The following BOP1 variants were observed in gnomAD, a reference collection of about 807,000 sequenced individuals.
The protein encoded by BOP1 is BOP1 ribosomal biogenesis factor, also known as ribosome biogenesis protein BOP1.
Under a neutral mutation model 82.9 loss-of-function variants are expected in BOP1, and 54 were observed. That is an observed-to-expected ratio of 0.65 (90% CI 0.52 to 0.82). BOP1 has a LOEUF of 0.82. Ranked by LOEUF, BOP1 falls within the 40% of genes least tolerant of loss-of-function variation. The pLI is 0.00. For synonymous variants in BOP1, 566 were observed against 451.1 expected, an observed-to-expected ratio of 1.25 and a Z score of -3.23; for missense variants, 1,170 against 1,072.0, an observed-to-expected ratio of 1.09 and a Z score of -1.28.
chr8:144,287,110 A>G (rs928897699), intron 2 of BOP1, among the ~76,000 whole-genome samples: 4 of 151,870 alleles, frequency 2.6e-5, no homozygotes, highest in Non-Finnish European at 4.4e-5. Flanking sequence ...CCCAGGTTCA[A>G]GTGATTCTAA....
chr8:144,276,279 T>C lies in BOP1; in HGVS notation c.335A>G (p.Glu112Gly). Residue 112 changes from glutamate to glycine, a missense_variant, in exon 3 of 16, where the codon GAG (glutamate) becomes GGG (glycine). Physicochemically the swap from Glu to Gly is moderately conservative, Grantham distance 98 (BLOSUM62 -2). Transcript: ENST00000569669. ...VQASTPCPRTEMASARIGDEY... is the reference protein window; with the variant it reads ...VQASTPCPRTGMASARIGDEY... ...ATCCCCAATCCGGGCGCTCGCCATC[T>C]CTGTCCTCGGGCAAGGAGTGCTGGC... is the stretch of plus-strand genomic sequence containing the variant. The C allele has an allele frequency of 5.6e-6, 9 of 1,613,560 alleles. No individual in the cohort carries two copies. Among genetic ancestry groups the C allele is most frequent in the African/African-American group, 1.3e-5 (1 of 75,012 alleles).
intron 3 of BOP1, chr8:144,268,250 A>G: frequency 1.3e-6 from 2 of 1,482,320 alleles, no homozygotes; most frequent in Non-Finnish European, 1.8e-6. Context: ...GGCCCACCGC[A>G]AGCATGCCCC....
chr8:144,290,386 G>A (rs949490315), intron 1 of BOP1, among the ~76,000 whole-genome samples: 8 of 151,498 alleles, frequency 5.3e-5, no homozygotes, highest in African/African-American at 1.9e-4. Flanking sequence ...AAAAGAAAAA[G>A]GAAGCAGTTG....
Position 144,264,608 on chromosome 8 carries a change from G to A in BOP1, c.672C>T (p.Val224=), listed in dbSNP as rs896304236. The change falls in exon 6 of 16, where the codon GTC becomes GTT. Residue 224 remains valine, a synonymous_variant. Coordinates refer to ENST00000569669, the MANE Select transcript of BOP1 (RefSeq NM_015201.5). ...DVGFNPYEPA[V]DFFSGDVMIH... ...TCATGACGTCCCCGCTGAAGAAGTCGACAGCCGGCTGGGGGAGAAGATGTG... is the reference window on the plus strand; with the variant it reads ...TCATGACGTCCCCGCTGAAGAAGTCAACAGCCGGCTGGGGGAGAAGATGTG... 6.5e-4 allele frequency: 1,038 copies of A among 1,599,530 alleles called. No individual in the cohort carries two copies. Among genetic ancestry groups the A allele is most frequent in the Non-Finnish European group, 7.3e-4 (860 of 1,173,180 alleles).
chr8:144,262,293 C>T lies in BOP1; in HGVS notation c.2112G>A (p.Leu704=). 6.2e-7 allele frequency: 1 copy of T among 1,612,846 alleles called. No individual in the cohort carries two copies. The highest frequency in any genetic ancestry group is 8.5e-7 in the Non-Finnish European group (1 of 1,179,812). ...GTCCCTTCAGCACCTTGACGGGCAC[C>T]AGCAAGGGGTTCTGCAGAAGGTCAC... ...VYNDLLQNPL[L]VPVKVLKGHV... Residue 704 remains leucine (L), a synonymous_variant, in exon 16 of 16, where the codon CTG becomes CTA. Coordinates refer to ENST00000569669, the MANE Select transcript of BOP1 (RefSeq NM_015201.5).
intron 3 of BOP1, among the ~76,000 whole-genome samples, chr8:144,267,423 G>C (rs1845400713): frequency 1.3e-5 from 2 of 152,348 alleles, no homozygotes; most frequent in South Asian, 4.1e-4. Context: ...TGAGGGGTAA[G>C]AGCTAGGGAT....
chr8:144,264,921 A>C lies in BOP1; in HGVS notation c.541T>G (p.Tyr181Asp). Residue 181 changes from tyrosine (Y) to aspartate (D), a missense_variant, in exon 4 of 16, where the codon TAC becomes GAC. By Grantham distance (160) the Tyr-to-Asp change is radical. Coordinates refer to ENST00000569669, the MANE Select transcript of BOP1 (RefSeq NM_015201.5). Reference sequence around the variant, plus strand: ...CCCCACCCCACCAGCCCTCACCAGTAGTCAGGATCGTCCATCTTGTCCAGG... The same window carrying C: ...CCCCACCCCACCAGCCCTCACCAGTCGTCAGGATCGTCCATCTTGTCCAGG... ...QFLDKMDDPD[Y>D]WRTVQDPMTG... 1 of 1,610,690 alleles carries C rather than the reference A, an allele frequency of 6.2e-7. No individual in the cohort carries two copies. The highest frequency in any genetic ancestry group is 8.5e-7 in the Non-Finnish European group (1 of 1,179,450).
intron 3 of BOP1, among the ~76,000 whole-genome samples, chr8:144,274,960 G>A (rs1845546604): frequency 6.6e-6 from 1 of 152,214 alleles, no homozygotes; most frequent in Non-Finnish European, 1.5e-5. Flanking sequence ...TGGCCCCCCC[G>A]CTCTGAGTGA....
At chr8:144,270,115 GAA>G (rs1221451391) in intron 3 of BOP1, among the ~76,000 whole-genome samples, 1 of 152,172 alleles carries the variant, frequency 6.6e-6, no homozygotes, top group East Asian at 1.9e-4. Flanking sequence ...GGAAGATAGT[GAA>G]AGTCTCCAGG....
chr8:144,263,564 G>T lies in BOP1; in HGVS notation c.1338C>A (p.Arg446=). ...CCCCCACGGGAACAGTCCTCACACAGCGGGCAGTGGCCACCTCCCAGAGCC... is the reference window on the plus strand; with the variant it reads ...CCCCCACGGGAACAGTCCTCACACATCGGGCAGTGGCCACCTCCCAGAGCC... ...SLRLWEVATA[R]CVRTVPVGGV... Residue 446 remains arginine, a synonymous_variant, in exon 11 of 16, where the codon CGC becomes CGA. Transcript: ENST00000569669. 3.7e-6 allele frequency: 6 copies of T among 1,602,372 alleles called. No homozygotes were observed. The highest frequency in any genetic ancestry group is 5.1e-6 in the Non-Finnish European group (6 of 1,179,736).
At chr8:144,289,908 C>G (rs1554839934) in intron 1 of BOP1, among the ~76,000 whole-genome samples, 1 of 152,216 alleles carries the variant, frequency 6.6e-6, no homozygotes, top group African/African-American at 2.4e-5. Context: ...ATGATAGAGA[C>G]TCTAACCGCA....
At position 144,263,138 on chromosome 8, in the gene BOP1, C is replaced by T. The variant is rs1845267194; in HGVS notation, c.1609G>A (p.Val537Met). 1.9e-6 allele frequency: 3 copies of T among 1,593,712 alleles called. No homozygotes were observed. In the African/African-American group the frequency reaches 4.0e-5, roughly 21 times the overall value. Residue 537 changes from valine (V) to methionine (M), a missense_variant, in exon 13 of 16, where the codon GTG (valine) becomes ATG (methionine). Val to Met is a conservative substitution (Grantham distance 21). Coordinates refer to ENST00000569669, the MANE Select transcript of BOP1 (RefSeq NM_015201.5). ...CGCCCGTGCCAGGTCACCTGCGTCA[C>T]TGGCTGCAGGAGAGCAAGGCTGGCT... ...LRLRICHGKP[V>M]TQVTWHGRGD...
Position 144,263,034 on chromosome 8 carries a change from G to A in BOP1, c.1713C>T (p.Ser571=). 6 of 1,569,134 alleles carry A rather than the reference G, an allele frequency of 3.8e-6. No homozygotes were observed. Among genetic ancestry groups the A allele is most frequent in the Non-Finnish European group, 4.3e-6 (5 of 1,166,124 alleles). The part of the protein sequence containing the change: ...VLIHQLSRRR[S]QSPFRRSHGQ... ...CGTGGCTGCGGCGGAACGGACTCTG[G>A]CTGCGGCGACGGCTCAGCTGGTGAA... Residue 571 remains serine (S), a synonymous_variant, in exon 13 of 16, where the codon AGC becomes AGT. Transcript: ENST00000569669.
At chr8:144,283,884 A>G (rs4977215) in intron 2 of BOP1, among the ~76,000 whole-genome samples, 5 of 152,200 alleles carry the variant, frequency 3.3e-5, no homozygotes, top group Admixed American at 1.3e-4. Flanking sequence ...TCAGGAGGCC[A>G]AGACAGGTGG....
In BOP1 at chr8:144,262,130, G is replaced by A. The variant is rs1353392014; in HGVS notation, c.*34C>T. 6 of 1,610,954 alleles carry A rather than the reference G, an allele frequency of 3.7e-6. No homozygotes were observed. In the South Asian group the frequency reaches 4.4e-5, roughly 12 times the overall value. On this transcript the variant is annotated 3_prime_UTR_variant, in exon 16 of 16. Transcript: ENST00000569669. ...CAGGGTAAAGGCTCTGTTGACTTCA[G>A]CACGACCACCCCAGCCCCAGGCAGG...
intron 3 of BOP1, among the ~76,000 whole-genome samples, chr8:144,272,863 G>A (rs965978796): frequency 0.013 from 2,014 of 152,268 alleles, 43 homozygotes; most frequent in African/African-American, 0.046. Context: ...CCGGCCAAGG[G>A]GCACGCGGCA....
At chr8:144,280,429 A>G (rs1473078962) in intron 2 of BOP1, among the ~76,000 whole-genome samples, 3 of 152,250 alleles carry the variant, frequency 2.0e-5, no homozygotes, top group African/African-American at 4.8e-5. Flanking sequence ...AGGGGGCCCG[A>G]GCCCAGGGTT....
At chr8:144,286,776 G>C (rs1554839526) in intron 2 of BOP1, among the ~76,000 whole-genome samples, 1 of 152,234 alleles carries the variant, frequency 6.6e-6, no homozygotes, top group African/African-American at 2.4e-5. Context: ...GGATGACGGA[G>C]CACACAGACC....
In BOP1 at chr8:144,264,600, A is replaced by T; in HGVS notation, c.680T>A (p.Phe227Tyr). 3 of 1,603,538 alleles carry T rather than the reference A, an allele frequency of 1.9e-6. No individual in the cohort carries two copies. In the South Asian group the frequency reaches 3.3e-5, roughly 18 times the overall value. ...CGGGTGGATCATGACGTCCCCGCTG[A>T]AGAAGTCGACAGCCGGCTGGGGGAG... ...FNPYEPAVDF[F>Y]SGDVMIHPVT... is the part of the protein sequence containing the mutation. The change falls in exon 6 of 16, where the codon TTC becomes TAC. Residue 227 changes from phenylalanine (F) to tyrosine (Y), a missense_variant. By Grantham distance (22) the Phe-to-Tyr change is conservative. Coordinates refer to ENST00000569669, the MANE Select transcript of BOP1 (RefSeq NM_015201.5).
Sources: allele counts gnomAD v4.1 joint callset (sites outside exome capture counted in the v4.1 genomes callset), GRCh38; gene constraint gnomAD v4.1.1; transcripts MANE v1.5; gene names NCBI Gene and HGNC (gene_info 2026-07-23, HGNC 2026-07-21).